The following GRM8 variants were observed in gnomAD, a reference collection of about 807,000 sequenced individuals.
The protein encoded by GRM8 is metabotropic glutamate receptor 8.
Under a neutral mutation model 87.2 loss-of-function variants are expected in GRM8, and 47 were observed. The ratio of observed to expected loss-of-function variants is 0.54; its 90% CI spans 0.43 to 0.69. The LOEUF (loss-of-function observed/expected upper bound fraction) is 0.69. GRM8 is among the 30% of genes least tolerant of loss of function. The pLI, the probability that GRM8 is intolerant of heterozygous loss-of-function variation, is 0.00. For synonymous variants in GRM8, 396 were observed against 404.5 expected, an observed-to-expected ratio of 0.98 and a Z score of 0.25; for missense variants, 1,019 against 1,139.2, an observed-to-expected ratio of 0.89 and a Z score of 1.52.
intron 3 of GRM8, among the ~76,000 whole-genome samples, chr7:126,957,600 G>A (rs971016386): frequency 2.0e-5 from 3 of 152,236 alleles, no homozygotes; most frequent in African/African-American, 7.2e-5. Flanking sequence ...CCCAGGCACT[G>A]TTGCAACTCA....
intron 2 of GRM8, among the ~76,000 whole-genome samples, chr7:127,212,441 G>A (rs529389589): frequency 8.4e-5 from 10 of 118,808 alleles, no homozygotes; most frequent in African/African-American, 1.5e-4. Flanking sequence ...TTTTTGAGAC[G>A]GAGTCTCGCT....
chr7:126,648,115 C>T (rs1170095324), intron 7 of GRM8, among the ~76,000 whole-genome samples: 1 of 152,104 alleles, frequency 6.6e-6, no homozygotes, highest in African/African-American at 2.4e-5. Flanking sequence ...GGGACCTTTG[C>T]ACAAGCTGTT....
intron 2 of GRM8, among the ~76,000 whole-genome samples, chr7:127,204,625 T>C (rs1316361637): frequency 6.6e-6 from 1 of 152,182 alleles, no homozygotes; most frequent in Non-Finnish European, 1.5e-5. Context: ...GAGAAAACCA[T>C]ACTGAGGCAT....
intron 3 of GRM8, among the ~76,000 whole-genome samples, chr7:127,029,239 G>A (rs1407305181): frequency 3.9e-5 from 6 of 152,154 alleles, no homozygotes; most frequent in Non-Finnish European, 8.8e-5. Flanking sequence ...ATTTGCTGAG[G>A]AGTGTTTTAC....
At chr7:126,988,532 A>AT (rs1364456157) in intron 3 of GRM8, among the ~76,000 whole-genome samples, 1 of 152,186 alleles carries the variant, frequency 6.6e-6, no homozygotes, top group Admixed American at 6.5e-5. Context: ...TTGTAAAATT[A>AT]TTAATTATGT....
At chr7:126,912,209 AC>A (rs552741057) in intron 3 of GRM8, among the ~76,000 whole-genome samples, 1 of 151,852 alleles carries the variant, frequency 6.6e-6, no homozygotes, top group Non-Finnish European at 1.5e-5. Flanking sequence ...AAACAAACAA[AC>A]AAACAAACAA....
chr7:127,149,415 C>T (rs940414403), intron 2 of GRM8, among the ~76,000 whole-genome samples: 1 of 151,854 alleles, frequency 6.6e-6, no homozygotes, highest in Non-Finnish European at 1.5e-5. Context: ...CAGAAGACAA[C>T]CAATGTGGGC....
chr7:126,705,030 C>T (rs1451562988), intron 7 of GRM8, among the ~76,000 whole-genome samples: 5 of 152,104 alleles, frequency 3.3e-5, no homozygotes, highest in East Asian at 1.9e-4. Context: ...AGGGGCATCA[C>T]GGAACCTACT....
intron 2 of GRM8, among the ~76,000 whole-genome samples, chr7:127,107,160 T>C (rs1172553259): frequency 6.6e-6 from 1 of 152,224 alleles, no homozygotes; most frequent in African/African-American, 2.4e-5. Flanking sequence ...GAATTTAATA[T>C]AAGATTTTTT....
intron 8 of GRM8, among the ~76,000 whole-genome samples, chr7:126,586,743 G>C (rs1796171535): frequency 6.6e-6 from 1 of 152,072 alleles, no homozygotes; most frequent in African/African-American, 2.4e-5. Context: ...GAAAACCTAG[G>C]CAATACCATT....
At chr7:127,049,674 C>A (rs1408358430) in intron 3 of GRM8, among the ~76,000 whole-genome samples, 1 of 152,032 alleles carries the variant, frequency 6.6e-6, no homozygotes, top group Non-Finnish European at 1.5e-5. Flanking sequence ...TTAGGAGAGC[C>A]ATGAGAAGGA....
At chr7:127,220,007 A>C (rs182489071) in intron 2 of GRM8, among the ~76,000 whole-genome samples, 15 of 152,306 alleles carry the variant, frequency 9.8e-5, no homozygotes, top group Admixed American at 9.8e-4. Flanking sequence ...GAATCTTCCT[A>C]CCGCCCCAAC....
At chr7:126,621,460 C>A (rs1800164797) in intron 7 of GRM8, among the ~76,000 whole-genome samples, 1 of 152,152 alleles carries the variant, frequency 6.6e-6, no homozygotes, top group African/African-American at 2.4e-5. Flanking sequence ...TCTCTGTCCT[C>A]CAGGCTGGAG....
At chr7:126,441,825 T>C (rs1320538230) in intron 10 of GRM8, among the ~76,000 whole-genome samples, 5 of 152,178 alleles carry the variant, frequency 3.3e-5, no homozygotes, top group South Asian at 2.1e-4. Flanking sequence ...TAGATGTTTT[T>C]TTCATTGTTG....
In GRM8 at chr7:126,533,749, T is replaced by C. The variant is rs1191751648; in HGVS notation, c.1633A>G (p.Asn545Asp). The C allele has an allele frequency of 6.2e-7, 1 of 1,613,952 alleles. No individual in the cohort carries two copies. Among genetic ancestry groups the C allele is most frequent in the African/African-American group, 1.3e-5 (1 of 74,902 alleles). ...CAGGACAGCTCATCCACCTGGTAGTTGTAACCTTCACAGCGTTCACAGTGC... is the reference window on the plus strand; with the variant it reads ...CAGGACAGCTCATCCACCTGGTAGTCGTAACCTTCACAGCGTTCACAGTGC... ...CWHCERCEGY[N>D]YQVDELSCEL... The change falls in exon 9 of 11, where the codon AAC becomes GAC. Residue 545 changes from asparagine (N) to aspartate (D), a missense_variant. Transcript: ENST00000339582.
intron 8 of GRM8, among the ~76,000 whole-genome samples, chr7:126,601,495 A>G (rs1797763121): frequency 6.6e-6 from 1 of 152,098 alleles, no homozygotes; most frequent in Non-Finnish European, 1.5e-5. Flanking sequence ...TAAATCCCTG[A>G]GGAATCGCCA....
At chr7:126,615,357 A>C (rs1302443049) in intron 7 of GRM8, among the ~76,000 whole-genome samples, 1 of 152,178 alleles carries the variant, frequency 6.6e-6, no homozygotes, top group Non-Finnish European at 1.5e-5. Context: ...CCTGCCCTAC[A>C]AGAGCTCCTG....
intron 7 of GRM8, among the ~76,000 whole-genome samples, chr7:126,680,133 A>G (rs1807388932): frequency 6.6e-6 from 1 of 152,138 alleles, no homozygotes; most frequent in South Asian, 2.1e-4. Flanking sequence ...CTGAAGTCAA[A>G]GTCCTTATAG....
intron 2 of GRM8, among the ~76,000 whole-genome samples, chr7:127,143,491 T>C (rs1339107981): frequency 6.6e-6 from 1 of 152,186 alleles, no homozygotes; most frequent in African/African-American, 2.4e-5. Flanking sequence ...TAGGGGTGTC[T>C]AGTATAAGCA....
Sources: allele counts gnomAD v4.1 joint callset (sites outside exome capture counted in the v4.1 genomes callset), GRCh38; gene constraint gnomAD v4.1.1; transcripts MANE v1.5; gene names NCBI Gene and HGNC (gene_info 2026-07-23, HGNC 2026-07-21).